EDAR: variants seen among roughly 807,000 people sequenced by gnomAD.
EDAR encodes tumor necrosis factor receptor superfamily member EDAR.
A neutral mutation model predicts 51.3 loss-of-function variants in EDAR; 38 were observed. That is an observed-to-expected ratio of 0.74 (90% CI 0.57 to 0.97). EDAR has a LOEUF of 0.97. Ranked by LOEUF, EDAR falls within the 50% of genes least tolerant of loss-of-function variation. The probability of loss-of-function intolerance (pLI) is 0.00; values close to 1 mark genes in which losing one functional copy is unlikely to be tolerated. For missense variants in EDAR, 528 were observed against 595.0 expected (o/e 0.89, Z 1.17); for synonymous variants, 227 against 242.1 (o/e 0.94, Z 0.58).
chr2:108,975,655 G>C (rs1311553708), intron 1 of EDAR, among the ~76,000 whole-genome samples: 1 of 152,156 alleles, frequency 6.6e-6, no homozygotes, highest in Non-Finnish European at 1.5e-5. Flanking sequence ...GGGAACAGGG[G>C]TGCGGTCTGG....
At chr2:108,950,233 C>T (rs1292139374) in intron 1 of EDAR, among the ~76,000 whole-genome samples, 2 of 144,270 alleles carry the variant, frequency 1.4e-5, no homozygotes, top group African/African-American at 2.5e-5. Flanking sequence ...TCCTTCCTCC[C>T]TCCCTCCTCC....
chr2:108,986,451 TG>T (rs985005796), intron 1 of EDAR, among the ~76,000 whole-genome samples: 25 of 152,124 alleles, frequency 1.6e-4, no homozygotes, highest in African/African-American at 6.0e-4. Flanking sequence ...CATCTCCTTG[TG>T]GGGGCAAATG....
chr2:108,912,040 C>T (rs760086917), intron 6 of EDAR, among the ~76,000 whole-genome samples: 15 of 152,362 alleles, frequency 9.8e-5, no homozygotes, highest in Middle Eastern at 3.4e-3. Flanking sequence ...GCCTTTTGCT[C>T]TGCGTTAGCG....
At chr2:108,953,844 G>A (rs1487330523) in intron 1 of EDAR, among the ~76,000 whole-genome samples, 1 of 152,170 alleles carries the variant, frequency 6.6e-6, no homozygotes, top group Non-Finnish European at 1.5e-5. Context: ...AACACCATTT[G>A]TGTGCCCAAG....
intron 1 of EDAR, among the ~76,000 whole-genome samples, chr2:108,932,978 G>A (rs186167876): frequency 3.3e-5 from 5 of 152,278 alleles, no homozygotes; most frequent in South Asian, 2.1e-4. Flanking sequence ...ACATGCCCTC[G>A]CTCCCGTAGG....
At chr2:108,914,452 T>G (rs974668184) in intron 5 of EDAR, among the ~76,000 whole-genome samples, 8 of 152,174 alleles carry the variant, frequency 5.3e-5, no homozygotes, top group African/African-American at 1.9e-4. Flanking sequence ...GTGCTTTGCC[T>G]TCCCTTAAAG....
chr2:108,897,702 GC>G (rs1402572361), intron 11 of EDAR, among the ~76,000 whole-genome samples: 2 of 152,122 alleles, frequency 1.3e-5, no homozygotes, highest in Non-Finnish European at 2.9e-5. Flanking sequence ...CCAAGTCACT[GC>G]CAACTCAGTG....
chr2:108,976,175 C>T (rs1698319287), intron 1 of EDAR, among the ~76,000 whole-genome samples: 1 of 152,212 alleles, frequency 6.6e-6, no homozygotes, highest in Non-Finnish European at 1.5e-5. Flanking sequence ...ATTTAATCAT[C>T]ACACATCCTT....
rs534918355 is a variant in EDAR, at chr2:108,916,321, G to A, written c.443-3557C>T. On this transcript the variant is annotated intron_variant, in intron 5 of 11. Transcript: ENST00000258443. ...TTCTTGTCCCTTCCTGTCGGGGCTC[G>A]CAGGCTGCTTCAGGTGACAGGGTTG... is the stretch of plus-strand genomic sequence containing the variant. Among the ~76,000 whole-genome samples, 5 of 152,232 alleles carry A rather than the reference G, an allele frequency of 3.3e-5. No individual in the cohort carries two copies. In the East Asian group the frequency reaches 5.8e-4, roughly 18 times the overall value.
intron 1 of EDAR, among the ~76,000 whole-genome samples, chr2:108,984,041 G>GTCTTGA (rs1698459433): frequency 6.6e-6 from 1 of 152,208 alleles, no homozygotes; most frequent in Non-Finnish European, 1.5e-5. Context: ...AACTTATTGA[G>GTCTTGA]TCTTGATAAT....
At chr2:108,940,449 C>T (rs1697573120) in intron 1 of EDAR, 1 of 152,412 alleles carries the variant, frequency 6.6e-6, no homozygotes. Context: ...CTCCCCACCT[C>T]AGCTGCCCCT....
At chr2:108,946,818 A>T (rs1697722013) in intron 1 of EDAR, among the ~76,000 whole-genome samples, 1 of 152,144 alleles carries the variant, frequency 6.6e-6, no homozygotes, top group Non-Finnish European at 1.5e-5. Context: ...GACACATGGG[A>T]ATTACAATTT....
At chr2:108,912,826 A>G (rs1696953378) in intron 5 of EDAR, 62 bp from the exon 6 acceptor site, 2 of 1,372,652 alleles carry the variant, frequency 1.5e-6, no homozygotes, top group Admixed American at 2.0e-5. Flanking sequence ...AGACGCTGCC[A>G]CAGAGCTCAT....
At chr2:108,987,285 G>T (rs1558849625) in intron 1 of EDAR, among the ~76,000 whole-genome samples, 1 of 152,240 alleles carries the variant, frequency 6.6e-6, no homozygotes, top group Non-Finnish European at 1.5e-5. Flanking sequence ...CCATCTGTGG[G>T]CCTATGAGAC....
chr2:108,907,982 T>C lies in EDAR; in HGVS notation c.841A>G (p.Ser281Gly). The C allele has an allele frequency of 2.5e-6, 4 of 1,611,632 alleles. No homozygotes were observed. Among genetic ancestry groups the C allele is most frequent in the Non-Finnish European group, 3.4e-6 (4 of 1,178,246 alleles). Residue 281 changes from serine (S) to glycine (G), a missense_variant, in exon 10 of 12, where the codon AGC (serine) becomes GGC (glycine). Coordinates refer to ENST00000258443, the MANE Select transcript of EDAR (RefSeq NM_022336.4). ...TCCTCATCACTGTCGACGCTCCGGC[T>C]CAGCAGCTGCTCATTCTCGGATGAG... Reference protein sequence around the residue: ...DASSENEQLLSRSVDSDEEPA... With the variant: ...DASSENEQLLGRSVDSDEEPA...
chr2:108,961,668 A>G (rs973402706), intron 1 of EDAR, among the ~76,000 whole-genome samples: 1 of 152,224 alleles, frequency 6.6e-6, no homozygotes, highest in Non-Finnish European at 1.5e-5. Flanking sequence ...GTCAGAACAC[A>G]TTCATTCTGA....
intron 4 of EDAR, among the ~76,000 whole-genome samples, chr2:108,925,481 C>T (rs913036394): frequency 5.3e-5 from 8 of 152,228 alleles, no homozygotes; most frequent in Admixed American, 3.3e-4. Context: ...CTCTGTCCCA[C>T]GACTGTGTCT....
intron 1 of EDAR, among the ~76,000 whole-genome samples, chr2:108,961,651 C>T (rs1698048260): frequency 6.6e-6 from 1 of 152,214 alleles, no homozygotes; most frequent in Non-Finnish European, 1.5e-5. Flanking sequence ...TTTTCTGAAA[C>T]TCTATGGTCA....
At chr2:108,913,206 C>T (rs1051992566) in intron 5 of EDAR, among the ~76,000 whole-genome samples, 2 of 152,086 alleles carry the variant, frequency 1.3e-5, no homozygotes, top group African/African-American at 4.8e-5. Context: ...GCCTCGGCCT[C>T]CCAAAGTGCT....
Sources: gnomAD v4.1 joint callset for allele counts (sites outside exome capture counted in the v4.1 genomes callset) on GRCh38, gnomAD v4.1.1 for gene constraint, MANE v1.5 for transcripts, NCBI Gene and HGNC (gene_info 2026-07-23, HGNC 2026-07-21) for gene names.